The following RCAN1 variants were observed in gnomAD, a reference collection of about 807,000 sequenced individuals.
The protein encoded by RCAN1 is calcipressin-1.
In RCAN1, 11 loss-of-function variants were observed where a neutral mutation model predicts 22.9. That is an observed-to-expected ratio of 0.48 (90% CI 0.30 to 0.79). The LOEUF is 0.79. Among genes scored for constraint, RCAN1 ranks in the 30% least tolerant of loss-of-function variants. The pLI, the probability that RCAN1 is intolerant of heterozygous loss-of-function variation, is 0.06. For missense variants in RCAN1, 291 were observed against 337.8 expected, an observed-to-expected ratio of 0.86 and a Z score of 1.09; for synonymous variants, 136 against 142.3, an observed-to-expected ratio of 0.96 and a Z score of 0.32.
chr21:34,574,862 G>A (rs1987358511), intron 1 of RCAN1, among the ~76,000 whole-genome samples: 2 of 152,150 alleles, frequency 1.3e-5, no homozygotes, highest in Non-Finnish European at 2.9e-5. Context: ...AGCTGGCATC[G>A]AAGAACATTT....
intron 1 of RCAN1, among the ~76,000 whole-genome samples, chr21:34,543,009 C>T (rs978133019): frequency 6.6e-6 from 1 of 152,220 alleles, no homozygotes; most frequent in Non-Finnish European, 1.5e-5. Flanking sequence ...TCAGATTCTT[C>T]ATCTGTAAAG....
chr21:34,525,019 G>A, intron 1 of RCAN1: 2 of 1,537,380 alleles, frequency 1.3e-6, no homozygotes, highest in Non-Finnish European at 1.8e-6. Context: ...GGCAGAAGGG[G>A]CTGGCCAGGA....
chr21:34,563,491 G>A (rs1986868545), intron 1 of RCAN1, among the ~76,000 whole-genome samples: 1 of 152,112 alleles, frequency 6.6e-6, no homozygotes, highest in Non-Finnish European at 1.5e-5. Context: ...ACTCAGCAGA[G>A]TGCTGGTTTA....
chr21:34,584,061 C>G lies in RCAN1; in HGVS notation c.252+30699G>C, dbSNP rs115729742. ...TGAATGGAATAAGGGAATGGTTGTTCCTGCTCCTACTTGGATTCCTGAAGA... is the reference window on the plus strand; with the variant it reads ...TGAATGGAATAAGGGAATGGTTGTTGCTGCTCCTACTTGGATTCCTGAAGA... On this transcript the variant is annotated intron_variant, in intron 1 of 3. Transcript: ENST00000313806. Among the ~76,000 whole-genome samples, 1,013 of 152,356 alleles carry G rather than the reference C, an allele frequency of 6.6e-3. 16 individuals carry two copies. The highest frequency in any genetic ancestry group is 0.023 in the African/African-American group (965 of 41,578).
chr21:34,556,144 C>T lies in RCAN1; in HGVS notation c.253-32434G>A, dbSNP rs558653387. 6.9e-5 allele frequency among the ~76,000 whole-genome samples: 10 copies of T among 145,698 alleles called. No individual in the cohort carries two copies. The South Asian group carries it at 2.2e-3, about 31-fold the overall frequency. On this transcript the variant is annotated intron_variant, in intron 1 of 3. Transcript: ENST00000313806. The stretch of plus-strand genomic sequence containing the variant: ...AAAAAAGAGCAGTAAAGACTTGAGG[C>T]TAGGTGAGGTGGTACATGTCTGTAA...
chr21:34,599,449 G>A (rs1323757511), intron 1 of RCAN1, among the ~76,000 whole-genome samples: 1 of 152,198 alleles, frequency 6.6e-6, no homozygotes, highest in East Asian at 1.9e-4. Context: ...ACTCCAGCCT[G>A]GGCGACAGAG....
chr21:34,602,525 G>A (rs939102563), intron 1 of RCAN1, among the ~76,000 whole-genome samples: 5 of 152,184 alleles, frequency 3.3e-5, no homozygotes, highest in African/African-American at 1.2e-4. Context: ...TTTTCTGAAG[G>A]GTGGTCTGTT....
chr21:34,533,022 A>C (rs7281774), intron 1 of RCAN1, among the ~76,000 whole-genome samples: 6 of 149,742 alleles, frequency 4.0e-5, no homozygotes, highest in African/African-American at 1.2e-4. Flanking sequence ...GTGCAGTGGC[A>C]CTATCTCGGC....
Position 34,523,632 on chromosome 21 carries a change from T to A in RCAN1, c.331A>T (p.Ile111Leu), listed in dbSNP as rs776074502. 1.2e-6 allele frequency: 2 copies of A among 1,614,202 alleles called. No homozygotes were observed. Among genetic ancestry groups the A allele is most frequent in the Non-Finnish European group, 1.7e-6 (2 of 1,180,034 alleles). Residue 111 changes from isoleucine (I) to leucine (L), a missense_variant, in exon 2 of 4, where the codon ATA (isoleucine) becomes TTA (leucine). Ile to Leu is a conservative substitution (Grantham distance 5, BLOSUM62 2). Coordinates refer to ENST00000313806, the MANE Select transcript of RCAN1 (RefSeq NM_004414.7). ...GCGGAGAAGGGGTTGCTGAAGTTTA[T>A]TCTGACTCGTTTGAAGCTCTTAAAA... The part of the protein sequence containing the change: ...QYFKSFKRVR[I>L]NFSNPFSAAD...
intron 1 of RCAN1, among the ~76,000 whole-genome samples, chr21:34,566,021 G>T (rs1311651464): frequency 6.6e-6 from 1 of 152,188 alleles, no homozygotes; most frequent in East Asian, 1.9e-4. Flanking sequence ...TACGTCTCTG[G>T]AATGTACTAC....
intron 1 of RCAN1, among the ~76,000 whole-genome samples, chr21:34,550,030 A>C (rs575731838): frequency 5.6e-4 from 85 of 152,286 alleles, no homozygotes; most frequent in Non-Finnish European, 8.1e-4. Context: ...GAATGGAAGC[A>C]CTGCCAAGAC....
At chr21:34,609,840 C>G (rs1315232964) in intron 1 of RCAN1, among the ~76,000 whole-genome samples, 1 of 152,130 alleles carries the variant, frequency 6.6e-6, no homozygotes. Flanking sequence ...ATTTTAGAGT[C>G]AGAAACCCTA....
chr21:34,588,256 C>G (rs1987864460), intron 1 of RCAN1, among the ~76,000 whole-genome samples: 1 of 152,084 alleles, frequency 6.6e-6, no homozygotes, highest in Non-Finnish European at 1.5e-5. Flanking sequence ...CAAAACTCCT[C>G]TATGGTGATG....
At chr21:34,586,613 A>G (rs1206855383) in intron 1 of RCAN1, among the ~76,000 whole-genome samples, 1 of 152,222 alleles carries the variant, frequency 6.6e-6, no homozygotes, top group African/African-American at 2.4e-5. Flanking sequence ...TGATTTACAT[A>G]TTGATCTTAA....
At chr21:34,558,409 A>G (rs1199941755) in intron 1 of RCAN1, among the ~76,000 whole-genome samples, 3 of 152,226 alleles carry the variant, frequency 2.0e-5, no homozygotes, top group Non-Finnish European at 4.4e-5. Context: ...CTCCACCGTG[A>G]CTGAGAATTG....
At chr21:34,562,933 T>C (rs186310092) in intron 1 of RCAN1, among the ~76,000 whole-genome samples, 2 of 152,346 alleles carry the variant, frequency 1.3e-5, no homozygotes, top group African/African-American at 4.8e-5. Flanking sequence ...CAGCACGCCA[T>C]CAGCTTATCT....
Position 34,614,140 on chromosome 21 carries a change from G to C in RCAN1, c.252+620C>G. On this transcript the variant is annotated intron_variant, in intron 1 of 3. Coordinates refer to ENST00000313806, the MANE Select transcript of RCAN1 (RefSeq NM_004414.7). The surrounding 1 kb of genome is among the most constrained non-coding windows in gnomAD (Gnocchi z 6.0). The stretch of plus-strand genomic sequence containing the variant: ...CCATGTACTGGGTGTCCCCGATGGC[G>C]GCAAGCCACACCTTCACACAAGGGG... The C allele has an allele frequency of 1.3e-6, 1 of 759,900 alleles. No homozygotes were observed. Among genetic ancestry groups the C allele is most frequent in the South Asian group, 6.3e-5 (1 of 15,956 alleles). The allele number at this position is 759,900 out of a possible 1,614,324, so 47.1% of individuals were successfully genotyped here. A position where few individuals can be genotyped will look rare whatever the true frequency, so the allele number is the denominator to read the frequency against.
At position 34,517,259 on chromosome 21, in the gene RCAN1, A is replaced by T. The variant is rs1984106768; in HGVS notation, c.*825T>A. ...GTCCGATCCCAAACACCTAAACTAA[A>T]ATTTCTCACCCACTAAAAGTTGGCA... is the stretch of plus-strand genomic sequence containing the variant. On this transcript the variant is annotated 3_prime_UTR_variant, in exon 4 of 4. Coordinates refer to ENST00000313806, the MANE Select transcript of RCAN1 (RefSeq NM_004414.7). 6.6e-6 allele frequency: 1 copy of T among 152,188 alleles called. No homozygotes were observed. The highest frequency in any genetic ancestry group is 1.5e-5 in the Non-Finnish European group (1 of 68,038). 9.4% of individuals were successfully genotyped at this position (152,188 alleles called of 1,614,324 possible).
At chr21:34,519,891 GTTA>G (rs1200485111) in intron 3 of RCAN1, among the ~76,000 whole-genome samples, 1 of 152,180 alleles carries the variant, frequency 6.6e-6, no homozygotes, top group African/African-American at 2.4e-5. Flanking sequence ...GGACTGGAAT[GTTA>G]TTATAACTGC....
Sources: allele counts gnomAD v4.1 joint callset (sites outside exome capture counted in the v4.1 genomes callset), GRCh38; gene constraint gnomAD v4.1.1; non-coding constraint Gnocchi (gnomAD v3.1); transcripts MANE v1.5; gene names NCBI Gene and HGNC (gene_info 2026-07-23, HGNC 2026-07-21).